Variants in GNG4 observed in about 807,000 individuals in gnomAD.
GNG4 encodes the protein G protein subunit gamma 4.
A neutral mutation model predicts 5.8 loss-of-function variants in GNG4; 4 were observed. The ratio of observed to expected loss-of-function variants is 0.69; its 90% CI spans 0.34 to 1.57. GNG4 has a LOEUF of 1.57. Among genes scored for constraint, GNG4 ranks in the 40% most tolerant of loss-of-function variants. The pLI is 0.06. For missense variants in GNG4, 96 were observed against 95.1 expected (o/e 1.01, Z -0.04); for synonymous variants, 29 against 32.9 (o/e 0.88, Z 0.41).
intron 3 of GNG4, 69 bp from the exon 4 acceptor site, chr1:235,552,306 T>G: frequency 2.8e-6 from 4 of 1,435,416 alleles, no homozygotes; most frequent in Non-Finnish European, 3.9e-6. Flanking sequence ...GGAAGAGGTG[T>G]CCACGTACAG....
At chr1:235,575,130 C>T (rs1687445806) in intron 3 of GNG4, among the ~76,000 whole-genome samples, 1 of 152,090 alleles carries the variant, frequency 6.6e-6, no homozygotes, top group Non-Finnish European at 1.5e-5. Flanking sequence ...TCGCCACAAT[C>T]TCTTTTCTTT....
intron 3 of GNG4, among the ~76,000 whole-genome samples, chr1:235,555,799 GCTAA>G (rs1686887342): frequency 6.6e-6 from 1 of 151,986 alleles, no homozygotes; most frequent in African/African-American, 2.4e-5. Context: ...GCTAAATCAA[GCTAA>G]CTGACATATC....
chr1:235,572,463 G>A (rs1426527767), intron 3 of GNG4, among the ~76,000 whole-genome samples: 1 of 151,018 alleles, frequency 6.6e-6, no homozygotes, highest in Non-Finnish European at 1.5e-5. Context: ...GCCTCACAAA[G>A]TGCTGGGATT....
rs1176032157 is a variant in GNG4, at chr1:235,598,034, C to T, written c.-122-2523G>A. Among the ~76,000 whole-genome samples the T allele has an allele frequency of 3.3e-5, 5 of 152,148 alleles. No individual in the cohort carries two copies. The East Asian group carries it at 5.8e-4, about 18-fold the overall frequency. On this transcript the variant is annotated intron_variant, in intron 1 of 3. Transcript: ENST00000391854. ...CTGACTCTGGCTACCCAAGACCCCA[C>T]CCAGAGGGCTGAGGTGCTGGATCAA...
intron 3 of GNG4, among the ~76,000 whole-genome samples, chr1:235,569,382 G>A (rs988789920): frequency 2.0e-5 from 3 of 151,670 alleles, no homozygotes; most frequent in Non-Finnish European, 2.9e-5. Context: ...AGCTCGAGCC[G>A]GGAAGGCGGA....
chr1:235,637,602 C>T (rs184451319), intron 1 of GNG4, among the ~76,000 whole-genome samples: 4 of 147,112 alleles, frequency 2.7e-5, no homozygotes, highest in Non-Finnish European at 5.9e-5. Flanking sequence ...TGCAATGAGC[C>T]GAGATTGCAC....
chr1:235,602,434 G>T (rs1030207057), intron 1 of GNG4, among the ~76,000 whole-genome samples: 4 of 152,182 alleles, frequency 2.6e-5, no homozygotes, highest in African/African-American at 9.6e-5. Flanking sequence ...GAGCTGAGCG[G>T]CCCCGTTAGC....
chr1:235,577,981 G>T (rs1687528615), intron 3 of GNG4, among the ~76,000 whole-genome samples: 1 of 152,114 alleles, frequency 6.6e-6, no homozygotes, highest in African/African-American at 2.4e-5. Flanking sequence ...CATCGGGAGT[G>T]TCCTTGACAG....
At chr1:235,563,442 CTTT>C (rs1687121160) in intron 3 of GNG4, among the ~76,000 whole-genome samples, 1 of 121,686 alleles carries the variant, frequency 8.2e-6, no homozygotes, top group Non-Finnish European at 1.7e-5. Context: ...AGCGTTTTAT[CTTT>C]ATAGCCTTAA....
upstream of GNG4, chr1:235,650,450 G>T (rs1657656465): frequency 1.3e-5 from 2 of 152,476 alleles, no homozygotes; most frequent in South Asian, 4.1e-4. Flanking sequence ...GAGCTCCAGC[G>T]CCTGGGCCGT....
At chr1:235,618,930 A>G (rs1447237863) in intron 1 of GNG4, among the ~76,000 whole-genome samples, 2 of 151,054 alleles carry the variant, frequency 1.3e-5, no homozygotes, top group Non-Finnish European at 3.0e-5. Flanking sequence ...TGTTGGGATT[A>G]TAGGCGTGAG....
At chr1:235,627,926 A>C (rs1688850119) in intron 1 of GNG4, among the ~76,000 whole-genome samples, 1 of 152,146 alleles carries the variant, frequency 6.6e-6, no homozygotes, top group South Asian at 2.1e-4. Flanking sequence ...CATGCCTATA[A>C]TCTCAGCACT....
intron 1 of GNG4, among the ~76,000 whole-genome samples, chr1:235,621,561 C>T (rs7542526): frequency 0.036 from 5,407 of 152,124 alleles, 304 homozygotes; most frequent in African/African-American, 0.12. Context: ...TCCCAGCATA[C>T]TGGGATTACA....
At chr1:235,625,672 G>T (rs373039463) in intron 1 of GNG4, among the ~76,000 whole-genome samples, 3 of 152,320 alleles carry the variant, frequency 2.0e-5, no homozygotes, top group South Asian at 2.1e-4. Flanking sequence ...ATGTCATATA[G>T]TGGGAATCAC....
intron 3 of GNG4, among the ~76,000 whole-genome samples, chr1:235,578,501 T>A (rs1401482544): frequency 6.6e-6 from 1 of 152,144 alleles, no homozygotes; most frequent in Non-Finnish European, 1.5e-5. Flanking sequence ...TTAGTCAAAA[T>A]AGCCAAGTTA....
chr1:235,600,437 T>C (rs1457348861), intron 1 of GNG4, among the ~76,000 whole-genome samples: 2 of 102,394 alleles, frequency 2.0e-5, no homozygotes, highest in Non-Finnish European at 4.2e-5. Context: ...TGTGTGTGTG[T>C]GTATATGTGT....
At chr1:235,597,625 TG>T (rs1558491502) in intron 1 of GNG4, among the ~76,000 whole-genome samples, 32 of 99,856 alleles carry the variant, frequency 3.2e-4, no homozygotes, top group Non-Finnish European at 3.8e-4. Flanking sequence ...TGTGTGTGTG[TG>T]TGTATTTTTT....
At chr1:235,640,370 A>G (rs1443711753) in intron 1 of GNG4, among the ~76,000 whole-genome samples, 1 of 152,230 alleles carries the variant, frequency 6.6e-6, no homozygotes, top group African/African-American at 2.4e-5. Flanking sequence ...CCCGGACCCT[A>G]GCCCAGACCC....
chr1:235,573,221 G>A (rs1248307016), intron 3 of GNG4, among the ~76,000 whole-genome samples: 7 of 150,878 alleles, frequency 4.6e-5, no homozygotes, highest in Non-Finnish European at 8.8e-5. Flanking sequence ...GCAAACTATC[G>A]CAAGGACAGA....
Sources: allele counts gnomAD v4.1 joint callset (sites outside exome capture counted in the v4.1 genomes callset), GRCh38; gene constraint gnomAD v4.1.1; transcripts MANE v1.5; gene names NCBI Gene and HGNC (gene_info 2026-07-23, HGNC 2026-07-21).